ZNF341: variants seen among roughly 807,000 people sequenced by gnomAD.
ZNF341 encodes the protein zinc finger protein 341.
A neutral mutation model predicts 87.7 loss-of-function variants in ZNF341; 52 were observed. The ratio of observed to expected loss-of-function variants is 0.59; its 90% confidence interval spans 0.47 to 0.75. The LOEUF is 0.75. ZNF341 is among the 30% of genes least tolerant of loss of function. ZNF341 has a pLI of 0.00. For missense variants in ZNF341, 977 were observed against 1,145.9 expected (o/e 0.85, Z 2.13); for synonymous variants, 459 against 472.7 (o/e 0.97, Z 0.38).
intron 11 of ZNF341, among the ~76,000 whole-genome samples, chr20:33,781,984 T>C (rs1234367990): frequency 6.6e-6 from 1 of 152,146 alleles, no homozygotes; most frequent in Non-Finnish European, 1.5e-5. Context: ...CCAGCCTAAA[T>C]TTTTTGTAGA....
Position 33,791,534 on chromosome 20 carries a change from G to A in ZNF341, c.*17G>A. The A allele has an allele frequency of 6.5e-7, 1 of 1,531,164 alleles. No individual in the cohort carries two copies. The allele number at this position is 1,531,164 out of a possible 1,614,324, so 94.8% of individuals were successfully genotyped here. A position where few individuals can be genotyped will look rare whatever the true frequency, so the allele number is the denominator to read the frequency against. ...TCCGAGTGACGGACCTGAGGTGTCT[G>A]TTTCCTGGGCAGGCCTGATGCTCCT... is the stretch of plus-strand genomic sequence containing the variant. On this transcript the variant is annotated 3_prime_UTR_variant, in exon 15 of 15. Transcript: ENST00000375200.
chr20:33,781,426 A>C, intron 11 of ZNF341, 39 bp downstream of exon 11: 2 of 1,584,104 alleles, frequency 1.3e-6, no homozygotes, highest in South Asian at 1.1e-5. Context: ...CCTAGGCTAT[A>C]ATAAGGGCAA....
chr20:33,738,345 ATAATGGCTGGTAATAT>A (rs1209393939), intron 1 of ZNF341, among the ~76,000 whole-genome samples: 3 of 152,162 alleles, frequency 2.0e-5, no homozygotes, highest in Admixed American at 2.0e-4. Context: ...GATCTCTGGA[ATAATGGCTGGTAATAT>A]TTATGTCTAC....
At position 33,745,469 on chromosome 20, in the gene ZNF341, G is replaced by A. The variant is rs567313060; in HGVS notation, c.339+170G>A. On this transcript the variant is annotated intron_variant, in intron 3 of 14. Transcript: ENST00000375200. ...GTACTGTTTTCAGCATGTTAAATGC[G>A]GAGAGATAGGGGATGCCAGACGGGG... is the stretch of plus-strand genomic sequence containing the variant. 5.9e-5 allele frequency among the ~76,000 whole-genome samples: 9 copies of A among 152,222 alleles called. No individual in the cohort carries two copies. In the East Asian group the frequency reaches 1.5e-3, roughly 26 times the overall value.
At chr20:33,770,770 T>G (rs115048771) in intron 10 of ZNF341, among the ~76,000 whole-genome samples, 3,094 of 152,014 alleles carry the variant, frequency 0.02, 105 homozygotes, top group African/African-American at 0.07. Context: ...GCCAGGAGTT[T>G]GAGACCAGCC....
At chr20:33,750,005 G>A (rs921958008) in intron 4 of ZNF341, among the ~76,000 whole-genome samples, 3 of 151,530 alleles carry the variant, frequency 2.0e-5, no homozygotes, top group South Asian at 4.2e-4. Flanking sequence ...CACCTGCCTT[G>A]GCCCAAAGTG....
chr20:33,752,428 C>T, intron 4 of ZNF341: 3 of 613,064 alleles, frequency 4.9e-6, no homozygotes, highest in Non-Finnish European at 6.3e-6. Flanking sequence ...GAGCACGCTT[C>T]TTGAAGCCAC....
chr20:33,783,918 C>G (rs1032371749), intron 12 of ZNF341, 54 bp downstream of exon 12: 2 of 1,541,726 alleles, frequency 1.3e-6, no homozygotes, highest in African/African-American at 1.4e-5. Context: ...CCCCCTCCCC[C>G]TCTCCTCATG....
chr20:33,787,956 A>G (rs1426565932), intron 12 of ZNF341: 1 of 152,308 alleles, frequency 6.6e-6, no homozygotes, highest in Non-Finnish European at 1.5e-5. Flanking sequence ...AGTCACAGCC[A>G]GTCCAGTGGC....
chr20:33,740,999 T>C lies in ZNF341; in HGVS notation c.129T>C (p.Ala43=), dbSNP rs1427870830. The C allele has an allele frequency of 6.2e-7, 1 of 1,614,020 alleles. No individual in the cohort carries two copies. The highest frequency in any genetic ancestry group is 8.5e-7 in the Non-Finnish European group (1 of 1,180,006). The change falls in exon 2 of 15, where the codon GCT becomes GCC. Residue 43 remains alanine, a synonymous_variant. Transcript: ENST00000375200. ...PTGQSVNAPP[A]IQPLDDEDVF... The stretch of plus-strand genomic sequence containing the variant: ...GCCAGAGTGTCAATGCGCCCCCTGC[T>C]ATCCAGCCATTGGGTGAGTATCTGC...
At chr20:33,771,543 G>A (rs551736656) in intron 10 of ZNF341, among the ~76,000 whole-genome samples, 1 of 152,144 alleles carries the variant, frequency 6.6e-6, no homozygotes, top group East Asian at 1.9e-4. Flanking sequence ...ACTGTGCCCA[G>A]CCTATATGAT....
chr20:33,784,288 A>C (rs867381441), intron 12 of ZNF341, among the ~76,000 whole-genome samples: 2 of 11,880 alleles, frequency 1.7e-4, no homozygotes, highest in South Asian at 6.9e-3. Flanking sequence ...CACCCTCCCC[A>C]TCTCCCTCTT....
Position 33,753,228 on chromosome 20 carries a change from TCCACCTCCTCCA to T in ZNF341, c.551_562del (p.Pro184_Pro187del), listed in dbSNP as rs757087523. 11 of 1,611,762 alleles carry T rather than the reference TCCACCTCCTCCA, an allele frequency of 6.8e-6. No individual in the cohort carries two copies. Among genetic ancestry groups the T allele is most frequent in the Non-Finnish European group, 7.6e-6 (9 of 1,179,908 alleles). On this transcript the variant is annotated inframe_deletion, in exon 5 of 15. Transcript: ENST00000375200. ...ACCTCACCCAGCCTCCACCTCCTCCTCCACCTCCTCCACCACTGCCCCCACCGCCACCACCTC... is the reference window on the plus strand; with the variant it reads ...ACCTCACCCAGCCTCCACCTCCTCCTCCACTGCCCCCACCGCCACCACCTC...
chr20:33,770,411 C>A, intron 10 of ZNF341, 119 bp downstream of exon 10: 2 of 1,044,490 alleles, frequency 1.9e-6, no homozygotes, highest in Non-Finnish European at 2.7e-6. Flanking sequence ...AAGGAGAAAC[C>A]GAGGCTCCTG....
intron 11 of ZNF341, 61 bp downstream of exon 11, chr20:33,781,448 G>A: frequency 6.8e-7 from 1 of 1,465,296 alleles, no homozygotes; most frequent in Non-Finnish European, 9.6e-7. Flanking sequence ...GAGGTGGGGT[G>A]GGGTGCACAC....
Position 33,791,034 on chromosome 20 carries a change from C to T in ZNF341, c.2082C>T (p.Arg694=), listed in dbSNP as rs1448208806. ...KCALCSKSFS[R]RAHLAEHQRA... ...CCCTGTGCAGCAAGTCCTTCAGCCG[C>T]CGTGCCCACCTCGCCGAGCATCAGC... The change falls in exon 15 of 15, where the codon CGC becomes CGT. Residue 694 remains arginine, a synonymous_variant. Transcript: ENST00000375200. 12 of 1,613,408 alleles carry T rather than the reference C, an allele frequency of 7.4e-6. No homozygotes were observed. The highest frequency in any genetic ancestry group is 1.3e-5 in the African/African-American group (1 of 74,944).
Position 33,791,526 on chromosome 20 carries a change from A to G in ZNF341, c.*9A>G. The G allele has an allele frequency of 6.5e-7, 1 of 1,537,184 alleles. No homozygotes were observed. The highest frequency in any genetic ancestry group is 1.2e-5 in the South Asian group (1 of 82,494). Reference sequence around the variant, plus strand: ...TCCAGGCCTCCGAGTGACGGACCTGAGGTGTCTGTTTCCTGGGCAGGCCTG... The same window carrying G: ...TCCAGGCCTCCGAGTGACGGACCTGGGGTGTCTGTTTCCTGGGCAGGCCTG... On this transcript the variant is annotated 3_prime_UTR_variant, in exon 15 of 15. Transcript: ENST00000375200.
rs766485143 is a variant in ZNF341 at position 33,758,803 on chromosome 20, G to A, written c.1025G>A (p.Arg342Gln). 26 of 1,613,630 alleles carry A rather than the reference G, an allele frequency of 1.6e-5. No individual in the cohort carries two copies. The highest frequency in any genetic ancestry group is 2.7e-5 in the African/African-American group (2 of 74,942). The change falls in exon 7 of 15, where the codon CGA (arginine) becomes CAA (glutamine). Residue 342 changes from arginine to glutamine, a missense_variant. Physicochemically the swap from Arg to Gln is conservative, Grantham distance 43 (BLOSUM62 1). Transcript: ENST00000375200. The part of the protein sequence containing the change: ...TKNFDLQQHI[R>Q]SHTGEKPFQC... Reference sequence around the variant, plus strand: ...AACTTTGACCTGCAGCAGCACATCCGAAGGTACACATGCGTGGTGAGGCAG... The same window carrying A: ...AACTTTGACCTGCAGCAGCACATCCAAAGGTACACATGCGTGGTGAGGCAG...
intron 10 of ZNF341, among the ~76,000 whole-genome samples, chr20:33,773,338 C>A (rs1323601753): frequency 1.3e-5 from 2 of 152,150 alleles, no homozygotes; most frequent in Non-Finnish European, 2.9e-5. Flanking sequence ...TGTGCAGTCC[C>A]CTTGCAGGGT....
Sources: gnomAD v4.1 joint callset for allele counts (sites outside exome capture counted in the v4.1 genomes callset) on GRCh38, gnomAD v4.1.1 for gene constraint, MANE v1.5 for transcripts, NCBI Gene and HGNC (gene_info 2026-07-23, HGNC 2026-07-21) for gene names.